Variants in NHSL2 observed in about 807,000 individuals in gnomAD.
NHSL2 encodes the protein NHS like 2, also known as NHS-like protein 2.
NHSL2 carries 27 observed loss-of-function variants against 53.4 expected under a neutral mutation model. The ratio of observed to expected loss-of-function variants is 0.51; its 90% CI spans 0.37 to 0.70. The LOEUF is 0.70. Among genes scored for constraint, NHSL2 ranks in the 30% least tolerant of loss-of-function variants. The pLI is 0.00. For synonymous variants in NHSL2, 408 were observed against 404.1 expected (o/e 1.01, Z -0.12); for missense variants, 892 against 980.1 (o/e 0.91, Z 1.20).
intron 1 of NHSL2, among the ~76,000 whole-genome samples, chrX:72,051,524 G>A (rs1296688047): frequency 9.0e-6 from 1 of 111,286 alleles, no homozygotes; most frequent in Non-Finnish European, 1.9e-5. Flanking sequence ...CACAGTGACC[G>A]AGTTTCCTAG....
chrX:72,054,143 A>G (rs2042355262), intron 1 of NHSL2, among the ~76,000 whole-genome samples: 1 of 111,666 alleles, frequency 9.0e-6, no homozygotes, highest in African/African-American at 3.3e-5. Flanking sequence ...TCTTCCAAGG[A>G]GATGCTGCAA....
At chrX:72,143,212 T>G in intron 7 of NHSL2, 41 bp from the exon 8 acceptor site, 1 of 980,254 alleles carries the variant, frequency 1.0e-6, no homozygotes, top group Non-Finnish European at 1.4e-6. Context: ...GGTAAATGTC[T>G]GCTGCATTAA....
intron 1 of NHSL2, among the ~76,000 whole-genome samples, chrX:71,957,186 A>G (rs1011784114): frequency 1.8e-5 from 2 of 111,994 alleles, no homozygotes; most frequent in African/African-American, 3.2e-5. Flanking sequence ...AGGGACCTCT[A>G]CCTGGCACTT....
chrX:71,945,997 C>T (rs1266715269), intron 1 of NHSL2, among the ~76,000 whole-genome samples: 1 of 112,400 alleles, frequency 8.9e-6, no homozygotes, highest in Admixed American at 9.4e-5. Flanking sequence ...GAGCCACCTA[C>T]TCCAAGACAA....
chrX:72,090,722 A>G (rs2041889072), intron 1 of NHSL2, among the ~76,000 whole-genome samples: 1 of 109,415 alleles, frequency 9.1e-6, no homozygotes, highest in Non-Finnish European at 1.9e-5. Context: ...CACAGATACC[A>G]GTTTCTAGTG....
intron 1 of NHSL2, among the ~76,000 whole-genome samples, chrX:72,024,176 T>G (rs1011940377): frequency 8.9e-6 from 1 of 112,137 alleles, no homozygotes; most frequent in Non-Finnish European, 1.9e-5. Flanking sequence ...TAGGGAGCGC[T>G]GTGGGTTTCC....
chrX:72,049,295 G>A (rs2042326432), intron 1 of NHSL2, among the ~76,000 whole-genome samples: 1 of 111,780 alleles, frequency 8.9e-6, no homozygotes, highest in African/African-American at 3.3e-5. Context: ...CCCAGAATGC[G>A]GATCTGGGGG....
chrX:71,914,488 A>C (rs768957200), intron 1 of NHSL2, among the ~76,000 whole-genome samples: 3 of 112,545 alleles, frequency 2.7e-5, no homozygotes, highest in Non-Finnish European at 5.6e-5. Context: ...ATAACACTGG[A>C]AAACTATCAT....
chrX:72,010,034 G>T (rs1205722682), intron 1 of NHSL2, among the ~76,000 whole-genome samples: 4 of 112,904 alleles, frequency 3.5e-5, no homozygotes, highest in Non-Finnish European at 7.5e-5. Context: ...GCTGCCTCCG[G>T]TATTGAAACT....
rs149654233 is a variant in NHSL2, at chrX:71,938,096, G to A, written c.280+26729G>A. ...CCACGTCCCTACAAGGCACAGTGCT[G>A]GGAATATTTGGGAAACAGTGCTAAT... is the stretch of plus-strand genomic sequence containing the variant. On this transcript the variant is annotated intron_variant, in intron 1 of 7. Coordinates refer to ENST00000633930, the MANE Select transcript of NHSL2 (RefSeq NM_001013627.3). Among the ~76,000 whole-genome samples the A allele has an allele frequency of 4.7e-3, 528 of 112,279 alleles. 2 individuals carry two copies. The highest frequency in any genetic ancestry group is 0.017 in the African/African-American group (513 of 30,926).
chrX:72,078,064 A>G (rs1447602067), intron 1 of NHSL2, among the ~76,000 whole-genome samples: 2 of 112,734 alleles, frequency 1.8e-5, no homozygotes, highest in Non-Finnish European at 3.8e-5. Context: ...TAAATGAGAA[A>G]CCGTAGACTA....
intron 1 of NHSL2, among the ~76,000 whole-genome samples, chrX:72,020,372 A>G (rs1319214114): frequency 8.9e-6 from 1 of 112,604 alleles, no homozygotes; most frequent in Non-Finnish European, 1.9e-5. Context: ...ATGGGAAGAG[A>G]TGTTGGCTGG....
intron 1 of NHSL2, among the ~76,000 whole-genome samples, chrX:72,051,195 T>A (rs1411647903): frequency 8.9e-6 from 1 of 112,490 alleles, no homozygotes; most frequent in African/African-American, 3.2e-5. Flanking sequence ...AACTGCTATA[T>A]AGTATTCCAT....
At chrX:71,985,537 T>G (rs2041999482) in intron 1 of NHSL2, among the ~76,000 whole-genome samples, 1 of 112,649 alleles carries the variant, frequency 8.9e-6, no homozygotes, top group Non-Finnish European at 1.9e-5. Context: ...GTTTCCAAAT[T>G]CTGGAGAAAT....
chrX:72,048,704 G>T (rs1228729182), intron 1 of NHSL2, among the ~76,000 whole-genome samples: 1 of 110,095 alleles, frequency 9.1e-6, no homozygotes, highest in Non-Finnish European at 1.9e-5. Context: ...CGGGGCAGCA[G>T]CTTGTTTCTG....
At chrX:71,973,779 TG>T (rs2041936443) in intron 1 of NHSL2, among the ~76,000 whole-genome samples, 1 of 111,879 alleles carries the variant, frequency 8.9e-6, no homozygotes, top group African/African-American at 3.3e-5. Context: ...AAGCTGGGAC[TG>T]GGTGGGAGAA....
chrX:72,139,247 A>C lies in NHSL2; in HGVS notation c.1699A>C (p.Lys567Gln), dbSNP rs900311246. The C allele has an allele frequency of 1.7e-6, 2 of 1,186,729 alleles. No individual in the cohort carries two copies. The highest frequency in any genetic ancestry group is 2.3e-6 in the Non-Finnish European group (2 of 882,693). The part of the protein sequence containing the change: ...KSISLRKAKK[K>Q]PSPPTRSVSL... ...TATCTCACTTAGGAAGGCCAAAAAGAAGCCTTCCCCACCCACACGCAGTGT... is the reference window on the plus strand; with the variant it reads ...TATCTCACTTAGGAAGGCCAAAAAGCAGCCTTCCCCACCCACACGCAGTGT... The change falls in exon 6 of 8, where the codon AAG (lysine) becomes CAG (glutamine). Residue 567 changes from lysine (K) to glutamine (Q), a missense_variant. Lys to Gln is a moderately conservative substitution (Grantham distance 53). Transcript: ENST00000633930.
chrX:72,054,919 C>T (rs747814151), intron 1 of NHSL2, among the ~76,000 whole-genome samples: 2 of 111,367 alleles, frequency 1.8e-5, no homozygotes, highest in Non-Finnish European at 3.8e-5. Context: ...TAGGCTGGAG[C>T]TTTAAATATG....
At chrX:72,036,694 C>G (rs2147915197) in intron 1 of NHSL2, among the ~76,000 whole-genome samples, 1 of 111,177 alleles carries the variant, frequency 9.0e-6, no homozygotes, top group Non-Finnish European at 1.9e-5. Context: ...TTTTTTCTCT[C>G]ATGTTTATAT....
Sources: gnomAD v4.1 joint callset for allele counts (sites outside exome capture counted in the v4.1 genomes callset) on GRCh38, gnomAD v4.1.1 for gene constraint, MANE v1.5 for transcripts, NCBI Gene and HGNC (gene_info 2026-07-23, HGNC 2026-07-21) for gene names.